The following SCNN1D variants were observed in gnomAD, a reference collection of about 807,000 sequenced individuals.
SCNN1D encodes the protein epithelial sodium channel subunit delta.
In SCNN1D, 104 loss-of-function variants were observed where a neutral mutation model predicts 87.8. The observed-to-expected ratio is 1.18, with a 90% CI of 1.01 to 1.39. SCNN1D has a LOEUF of 1.39. SCNN1D is among the 40% of genes most tolerant of loss of function. The pLI, the probability that SCNN1D is intolerant of heterozygous loss-of-function variation, is 0.00. For missense variants in SCNN1D, 1,324 were observed against 1,093.9 expected (o/e 1.21, Z -2.97); for synonymous variants, 628 against 481.2 (o/e 1.31, Z -3.99).
At position 1,287,686 on chromosome 1, in the gene SCNN1D, C is replaced by T. The variant is rs748036557; in HGVS notation, c.1413C>T (p.Val471=). 11 of 1,611,486 alleles carry T rather than the reference C, an allele frequency of 6.8e-6. No individual in the cohort carries two copies. In the South Asian group the frequency reaches 1.1e-4, roughly 16 times the overall value. Residue 471 remains valine, a synonymous_variant, in exon 11 of 18, where the codon GTC becomes GTT. Transcript: ENST00000379116. ...TTGGCCTCCCAGGAGTCGGCCTGGT[C>T]CTCAGGGTTGAGCAGCAGCCTCACC... The part of the protein sequence containing the change: ...RPGITHGVGL[V]LRVEQQPHLP...
At position 1,288,002 on chromosome 1, in the gene SCNN1D, G is replaced by A. The variant is rs1464951725; in HGVS notation, c.1627G>A (p.Val543Met). 1.9e-6 allele frequency: 3 copies of A among 1,545,658 alleles called. No homozygotes were observed. In the Admixed American group the frequency reaches 5.9e-5, roughly 30 times the overall value. ...HCTAGGEGVE[V>M]ELLHNTSYTR... ...CACCGCCGGCGGGGAAGGCGTGGAG[G>A]TGGAGCTGCTACACAACACCTCCTA... The change falls in exon 12 of 18, where the codon GTG (valine) becomes ATG (methionine). Residue 543 changes from valine (V) to methionine (M), a missense_variant. Val to Met is a conservative substitution (Grantham distance 21, BLOSUM62 1). Transcript: ENST00000379116.
At chr1:1,283,923 G>A in intron 4 of SCNN1D, 55 bp from the exon 5 acceptor site, 1 of 1,064,836 alleles carries the variant, frequency 9.4e-7, no homozygotes, top group South Asian at 1.7e-5. Flanking sequence ...TGCCCTGGCT[G>A]GGTCCTCCCT....
intron 12 of SCNN1D, 68 bp downstream of exon 12, chr1:1,288,105 G>A: frequency 9.6e-7 from 1 of 1,042,820 alleles, no homozygotes; most frequent in Non-Finnish European, 1.4e-6. Context: ...GTGGGCGGGT[G>A]GAACGGGGGA....
chr1:1,285,867 A>C (rs1440541640), intron 6 of SCNN1D, 59 bp from the exon 7 acceptor site: 21 of 1,460,016 alleles, frequency 1.4e-5, no homozygotes, highest in Non-Finnish European at 1.9e-5. Flanking sequence ...TGACAGGCCC[A>C]GGGTAGGGAG....
At position 1,285,596 on chromosome 1, in the gene SCNN1D, A is replaced by G. The variant is rs1214252003; in HGVS notation, c.490A>G (p.Arg164Gly). Residue 164 changes from arginine (R) to glycine (G), a missense_variant, in exon 6 of 18, where the codon AGG (arginine) becomes GGG (glycine). Arg to Gly is a moderately radical substitution (Grantham distance 125). Transcript: ENST00000379116. The stretch of plus-strand genomic sequence containing the variant: ...ATCGCCTGGGCCTGTGGCTCCCCAG[A>G]GGCCCTGCCACCTGAAGGGATGGCA... ...SRSPGPVAPQ[R>G]PCHLKGWQHR... The G allele has an allele frequency of 1.3e-6, 2 of 1,542,922 alleles. No homozygotes were observed. Among genetic ancestry groups the G allele is most frequent in the Non-Finnish European group, 1.7e-6 (2 of 1,143,326 alleles).
At chr1:1,290,448 C>A (rs758395485) in intron 13 of SCNN1D, 29 bp from the exon 14 acceptor site, 1 of 1,612,062 alleles carries the variant, frequency 6.2e-7, no homozygotes, top group Non-Finnish European at 8.5e-7. Context: ...CACAGCGAGC[C>A]TCACACATGC....
At position 1,282,302 on chromosome 1, in the gene SCNN1D, T is replaced by G; in HGVS notation, c.338T>G (p.Phe113Cys). The G allele has an allele frequency of 6.5e-7, 1 of 1,550,088 alleles. No homozygotes were observed. Among genetic ancestry groups the G allele is most frequent in the Non-Finnish European group, 8.7e-7 (1 of 1,146,806 alleles). The change falls in exon 4 of 18, where the codon TTC becomes TGC. Residue 113 changes from phenylalanine to cysteine, a missense_variant. Phe to Cys is a radical substitution (Grantham distance 205). Transcript: ENST00000379116. ...ACGTCACCGGTGGCAGCTGCTTCCT[T>G]CCAGAGCCGGCAGGCAGGTGACCTC... ...SRTSPVAAAS[F>C]QSRQEARGSI... is the part of the protein sequence containing the mutation.
In SCNN1D at chr1:1,287,266, C is replaced by T. The variant is rs764021640; in HGVS notation, c.1277C>T (p.Ser426Phe). The change falls in exon 9 of 18, where the codon TCC (serine) becomes TTC (phenylalanine). Residue 426 changes from serine (S) to phenylalanine (F), a missense_variant. Transcript: ENST00000379116. ...HGSQDGHFVL[S>F]CSYDGLDCQA... is the part of the protein sequence containing the mutation. ...AGCCAGGACGGCCACTTCGTCCTCTCCTGCAGTTACGATGGCCTGGACTGC... is the reference window on the plus strand; with the variant it reads ...AGCCAGGACGGCCACTTCGTCCTCTTCTGCAGTTACGATGGCCTGGACTGC... 2 of 1,605,914 alleles carry T rather than the reference C, an allele frequency of 1.2e-6. No homozygotes were observed. The highest frequency in any genetic ancestry group is 1.7e-5 in the Admixed American group (1 of 59,522).
chr1:1,285,361 T>G (rs1640565143), intron 5 of SCNN1D, among the ~76,000 whole-genome samples: 1 of 152,284 alleles, frequency 6.6e-6, no homozygotes, highest in Non-Finnish European at 1.5e-5. Flanking sequence ...CTCAGCTCAA[T>G]GGGGCCACCC....
intron 5 of SCNN1D, among the ~76,000 whole-genome samples, chr1:1,284,707 T>TA (rs1188037295): frequency 9.9e-5 from 15 of 152,072 alleles, no homozygotes; most frequent in Non-Finnish European, 2.9e-5. Context: ...ACACTGCAGA[T>TA]ACTGCGTGTC....
rs200302126 is a variant in SCNN1D at position 1,291,487 on chromosome 1, G to C, written c.2286G>C (p.Thr762=). ...AGATGCCCCCGCCTGCAGGCGGCAC[G>C]TCAGATGACCCGGAGCCCAGCGGGC... ...ASQMPPPAGG[T]SDDPEPSGPH... is the part of the protein sequence containing the mutation. Residue 762 remains threonine (T), a synonymous_variant, in exon 18 of 18, where the codon ACG becomes ACC. Coordinates refer to ENST00000379116, the MANE Select transcript of SCNN1D (RefSeq NM_001130413.4). The C allele has an allele frequency of 2.5e-6, 4 of 1,609,296 alleles. No homozygotes were observed. Among genetic ancestry groups the C allele is most frequent in the Non-Finnish European group, 3.4e-6 (4 of 1,177,942 alleles).
intron 4 of SCNN1D, among the ~76,000 whole-genome samples, chr1:1,283,223 C>G (rs1440067485): frequency 6.6e-6 from 1 of 152,176 alleles, no homozygotes; most frequent in Non-Finnish European, 1.5e-5. Flanking sequence ...GGTGCCTTCT[C>G]CACACCCAGA....
chr1:1,286,226 T>A lies in SCNN1D; in HGVS notation c.859T>A (p.Ser287Thr), dbSNP rs752952805. Residue 287 changes from serine (S) to threonine (T), a missense_variant, in exon 7 of 18, where the codon TCG (serine) becomes ACG (threonine). Physicochemically the swap from Ser to Thr is moderately conservative, Grantham distance 58. Coordinates refer to ENST00000379116, the MANE Select transcript of SCNN1D (RefSeq NM_001130413.4). The part of the protein sequence containing the change: ...RPVLMAVSVH[S>T]ERKLLPLVTL... The stretch of plus-strand genomic sequence containing the variant: ...GGTCCTCATGGCCGTCTCTGTGCAC[T>A]CGGAGCGCAAGCTGCTCCCGCTGGT... 6.3e-7 allele frequency: 1 copy of A among 1,597,678 alleles called. No individual in the cohort carries two copies. Among genetic ancestry groups the A allele is most frequent in the Non-Finnish European group, 8.5e-7 (1 of 1,177,216 alleles).
In SCNN1D at chr1:1,290,255, T is replaced by C; in HGVS notation, c.1663-16T>C. ...CCGCTCCATCCCATGTCCCTGCTCA[T>C]CCCCCCTGTCCCCAGGCCTGCCTGG... On this transcript the variant is annotated splice_polypyrimidine_tract_variant and intron_variant, in intron 12 of 17. Coordinates refer to ENST00000379116, the MANE Select transcript of SCNN1D (RefSeq NM_001130413.4). 1 of 1,529,622 alleles carries C rather than the reference T, an allele frequency of 6.5e-7. No individual in the cohort carries two copies. Among genetic ancestry groups the C allele is most frequent in the South Asian group, 1.3e-5 (1 of 78,304 alleles). 94.8% of individuals were successfully genotyped at this position (1,529,622 alleles called of 1,614,324 possible). A position where few individuals can be genotyped will look rare whatever the true frequency, so the allele number is the denominator to read the frequency against.
In SCNN1D at chr1:1,286,262, G is replaced by A. The variant is rs1640588713; in HGVS notation, c.895G>A (p.Asp299Asn). The A allele has an allele frequency of 1.9e-6, 3 of 1,584,966 alleles. No homozygotes were observed. The African/African-American group carries it at 4.0e-5, about 21-fold the overall frequency. Reference protein sequence around the residue: ...RKLLPLVTLCDGNPRRPSPVL... With the variant: ...RKLLPLVTLCNGNPRRPSPVL... ...GCTGCTCCCGCTGGTCACCCTGTGT[G>A]ACGGGAACCCACGTCGGTGAGGGCC... is the stretch of plus-strand genomic sequence containing the variant. Residue 299 changes from aspartate (D) to asparagine (N), a missense_variant, in exon 7 of 18, where the codon GAC becomes AAC. By Grantham distance (23) the Asp-to-Asn change is conservative (BLOSUM62 1). Transcript: ENST00000379116.
chr1:1,286,225 C>T lies in SCNN1D; in HGVS notation c.858C>T (p.His286=). 1 of 1,597,790 alleles carries T rather than the reference C, an allele frequency of 6.3e-7. No homozygotes were observed. Among genetic ancestry groups the T allele is most frequent in the Non-Finnish European group, 8.5e-7 (1 of 1,177,246 alleles). The part of the protein sequence containing the change: ...HRPVLMAVSV[H]SERKLLPLVT... The stretch of plus-strand genomic sequence containing the variant: ...CGGTCCTCATGGCCGTCTCTGTGCA[C>T]TCGGAGCGCAAGCTGCTCCCGCTGG... Residue 286 remains histidine (H), a synonymous_variant, in exon 7 of 18, where the codon CAC becomes CAT. Transcript: ENST00000379116.
chr1:1,282,062 C>T (rs1176750903), intron 3 of SCNN1D, 180 bp from the exon 4 acceptor site: 6 of 612,612 alleles, frequency 9.8e-6, no homozygotes, highest in Non-Finnish European at 1.8e-5. Context: ...AAGCCCCAGG[C>T]CTGTGCTGTG....
At chr1:1,285,832 G>A in intron 6 of SCNN1D, 94 bp from the exon 7 acceptor site, 8 of 1,331,010 alleles carry the variant, frequency 6.0e-6, no homozygotes, top group Middle Eastern at 1.9e-4. Context: ...AGCAGGTAGG[G>A]CGGGGCACTG....
intron 3 of SCNN1D, 53 bp from the exon 4 acceptor site, chr1:1,282,189 T>C (rs1443651514): frequency 2.9e-6 from 3 of 1,042,074 alleles, no homozygotes; most frequent in Non-Finnish European, 4.4e-6. Flanking sequence ...CTCAGAGAGG[T>C]TGAGTAACTC....
Sources: gnomAD v4.1 joint callset for allele counts (sites outside exome capture counted in the v4.1 genomes callset) on GRCh38, gnomAD v4.1.1 for gene constraint, MANE v1.5 for transcripts, NCBI Gene and HGNC (gene_info 2026-07-23, HGNC 2026-07-21) for gene names.